The following LRRIQ1 variants were observed in gnomAD, a reference collection of about 807,000 sequenced individuals.
LRRIQ1 encodes the protein leucine-rich repeat- and IQ domain-containing protein 1.
Under a neutral mutation model 211.9 loss-of-function variants are expected in LRRIQ1, and 210 were observed. The observed-to-expected ratio is 0.99, with a 90% CI of 0.89 to 1.11. LRRIQ1 has a LOEUF of 1.11. LRRIQ1 is among the 50% of genes most tolerant of loss of function. The pLI is 0.00. For synonymous variants in LRRIQ1, 699 were observed against 650.1 expected, an observed-to-expected ratio of 1.08 and a Z score of -1.14; for missense variants, 2,136 against 1,939.5, an observed-to-expected ratio of 1.10 and a Z score of -1.90.
chr12:85,168,275 G>T, intron 24 of LRRIQ1, among the ~76,000 whole-genome samples: 1 of 151,946 alleles, frequency 6.6e-6, no homozygotes, highest in East Asian at 1.9e-4. Flanking sequence ...TTAATCACAG[G>T]GCATGGTAAT....
At chr12:85,066,725 A>G (rs1273852757) in intron 9 of LRRIQ1, 23 bp from the exon 10 acceptor site, 5 of 1,568,440 alleles carry the variant, frequency 3.2e-6, no homozygotes, top group Middle Eastern at 1.7e-4. Flanking sequence ...AATAAAACTA[A>G]TTACATTTGT....
At chr12:85,135,355 A>G (rs993378785) in intron 18 of LRRIQ1, among the ~76,000 whole-genome samples, 2 of 151,646 alleles carry the variant, frequency 1.3e-5, no homozygotes, top group Admixed American at 1.3e-4. Flanking sequence ...TGGTGGTTGT[A>G]TTACAAAAAT....
At chr12:85,178,168 T>C (rs1211157594) in intron 24 of LRRIQ1, among the ~76,000 whole-genome samples, 1 of 152,098 alleles carries the variant, frequency 6.6e-6, no homozygotes, top group African/African-American at 2.4e-5. Flanking sequence ...AATTTTCATC[T>C]TTCTTTGGAT....
intron 25 of LRRIQ1, among the ~76,000 whole-genome samples, chr12:85,232,038 A>G (rs970223860): frequency 7.2e-5 from 11 of 152,190 alleles, no homozygotes; most frequent in Non-Finnish European, 1.3e-4. Flanking sequence ...GTAAAGAAAA[A>G]TATAAGAAAA....
chr12:85,263,045 G>T (rs1373670532), exon 2 of LRRIQ1: 2 of 987,914 alleles, frequency 2.0e-6, no homozygotes, highest in African/African-American at 3.5e-5. Flanking sequence ...AAAAGAAGGC[G>T]AACATTTCCA....
chr12:85,105,246 TTTA>T (rs1280054745), intron 14 of LRRIQ1, among the ~76,000 whole-genome samples: 2 of 152,082 alleles, frequency 1.3e-5, no homozygotes, highest in African/African-American at 4.8e-5. Context: ...TGTGTGTCCT[TTTA>T]TAATAAAATT....
chr12:85,251,490 G>A (rs1363726213), intron 1 of LRRIQ1, among the ~76,000 whole-genome samples: 1 of 151,880 alleles, frequency 6.6e-6, no homozygotes, highest in Non-Finnish European at 1.5e-5. Flanking sequence ...AAGAATATGT[G>A]TTTAGAGTTT....
chr12:85,051,242 C>T (rs946560411), intron 6 of LRRIQ1, among the ~76,000 whole-genome samples: 25 of 152,084 alleles, frequency 1.6e-4, no homozygotes, highest in African/African-American at 6.0e-4. Flanking sequence ...TCTCTTCCAC[C>T]GTGAGTAAAA....
chr12:85,183,396 C>T (rs1892082545), intron 24 of LRRIQ1, among the ~76,000 whole-genome samples: 1 of 151,924 alleles, frequency 6.6e-6, no homozygotes, highest in Non-Finnish European at 1.5e-5. Context: ...AAAAAAAAAT[C>T]ATTTTAATTA....
intron 24 of LRRIQ1, among the ~76,000 whole-genome samples, chr12:85,179,451 A>T (rs1366328055): frequency 6.6e-6 from 1 of 151,904 alleles, no homozygotes; most frequent in African/African-American, 2.4e-5. Context: ...ATTGCAAAGG[A>T]TACTATTACA....
intron 6 of LRRIQ1, among the ~76,000 whole-genome samples, chr12:85,049,701 A>G (rs926146489): frequency 6.6e-6 from 1 of 152,084 alleles, no homozygotes; most frequent in Non-Finnish European, 1.5e-5. Context: ...TACTGTATCA[A>G]TTTTTTCATT....
At chr12:85,057,309 T>G in intron 8 of LRRIQ1, 125 bp downstream of exon 8, 1 of 820,136 alleles carries the variant, frequency 1.2e-6, no homozygotes, top group Non-Finnish European at 1.7e-6. Context: ...AATAAAGTTA[T>G]GAATGAAATA....
intron 24 of LRRIQ1, among the ~76,000 whole-genome samples, chr12:85,193,234 T>C (rs1388518098): frequency 7.8e-6 from 1 of 128,028 alleles, no homozygotes. Flanking sequence ...TGGAACCAAG[T>C]TGGAAAACAC....
intron 1 of LRRIQ1, among the ~76,000 whole-genome samples, 190 bp from the exon 2 acceptor site, chr12:85,037,963 T>C (rs886861409): frequency 1.3e-5 from 2 of 151,934 alleles, no homozygotes; most frequent in African/African-American, 4.8e-5. Flanking sequence ...CAATTACAGT[T>C]GATCATTTTG....
chr12:85,261,854 AT>A (rs1483808689), intron 1 of LRRIQ1, among the ~76,000 whole-genome samples: 1 of 151,724 alleles, frequency 6.6e-6, no homozygotes. Flanking sequence ...CAATGGCACG[AT>A]CTCGGCTCAC....
chr12:85,098,805 A>G, intron 12 of LRRIQ1, 62 bp from the exon 13 acceptor site: 1 of 1,252,332 alleles, frequency 8.0e-7, no homozygotes, highest in South Asian at 1.7e-5. Context: ...TGTATTTTTT[A>G]ATTGGGCTAA....
intron 15 of LRRIQ1, among the ~76,000 whole-genome samples, chr12:85,114,036 A>T (rs1031038694): frequency 5.3e-5 from 8 of 151,540 alleles, no homozygotes; most frequent in Admixed American, 2.6e-4. Context: ...ATTTCCACTT[A>T]CCTGTAGTGA....
intron 24 of LRRIQ1, among the ~76,000 whole-genome samples, chr12:85,161,444 TAA>T (rs1002456135): frequency 6.6e-6 from 1 of 152,040 alleles, no homozygotes; most frequent in African/African-American, 2.4e-5. Flanking sequence ...CATTTTAGTA[TAA>T]GTTTTTTATA....
chr12:85,271,058 A>C, the LRRIQ1 span, among the ~76,000 whole-genome samples: 1 of 152,230 alleles, frequency 6.6e-6, no homozygotes, highest in Non-Finnish European at 1.5e-5. Flanking sequence ...TTTAGTCTTT[A>C]ATTTCAGCTT....
Sources: allele counts gnomAD v4.1 joint callset (sites outside exome capture counted in the v4.1 genomes callset), GRCh38; gene constraint gnomAD v4.1.1; transcripts MANE v1.5; gene names NCBI Gene and HGNC (gene_info 2026-07-23, HGNC 2026-07-21).